IL17RC: variants seen among roughly 807,000 people sequenced by gnomAD.
IL17RC encodes the protein interleukin-17 receptor C.
In IL17RC, 53 loss-of-function variants were observed where a neutral mutation model predicts 86.7. The ratio of observed to expected loss-of-function variants is 0.61; its 90% confidence interval spans 0.49 to 0.77. IL17RC has a LOEUF of 0.77. IL17RC is among the 30% of genes least tolerant of loss of function. IL17RC has a pLI of 0.00. For synonymous variants in IL17RC, 439 were observed against 413.1 expected, an observed-to-expected ratio of 1.06 and a Z score of -0.76; for missense variants, 957 against 940.0, an observed-to-expected ratio of 1.02 and a Z score of -0.24.
intron 5 of IL17RC, chr3:9,920,271 T>C: frequency 1.9e-6 from 1 of 513,484 alleles, no homozygotes; most frequent in Non-Finnish European, 3.5e-6. Context: ...GTCTAGGGCC[T>C]TTTCCCGCCC....
At position 9,933,437 on chromosome 3, in the gene IL17RC, TCG is replaced by T. The variant is rs2084990732; in HGVS notation, c.2011_2012del (p.Ala671ProfsTer23). The stretch of plus-strand genomic sequence containing the variant: ...ACTTCCTGGGGGCCCTGCAGCAGCC[TCG>T]CGCCCCGCGTTCCGGGCGGCTCCAA... ...PDFLGALQQP[R>X]APRSGRLQER... On this transcript the variant is annotated frameshift_variant, in exon 19 of 19. Coordinates refer to ENST00000403601, the MANE Select transcript of IL17RC (RefSeq NM_153460.4). LOFTEE classifies it low-confidence loss of function (END_TRUNC). The T allele has an allele frequency of 6.2e-7, 1 of 1,612,998 alleles. No homozygotes were observed. Among genetic ancestry groups the T allele is most frequent in the Non-Finnish European group, 8.5e-7 (1 of 1,179,824 alleles).
At chr3:9,931,466 C>CATATATATATATAT (rs1466191337) in intron 16 of IL17RC, among the ~76,000 whole-genome samples, 23 of 15,606 alleles carry the variant, frequency 1.5e-3, no homozygotes, top group East Asian at 6.1e-3. Context: ...CACACACACA[C>CATATATATATATAT]ACACATATAT....
In IL17RC at chr3:9,917,571, AG is replaced by A. The variant is rs1280022287; in HGVS notation, c.106-138del. ...TGATGGTAGAAGAGAAGAACGGGGA[AG>A]GGGCAAGAGCTGGGTCTGTCTTTCT... On this transcript the variant is annotated intron_variant, in intron 1 of 18. Coordinates refer to ENST00000403601, the MANE Select transcript of IL17RC (RefSeq NM_153460.4). 2.5e-6 allele frequency: 4 copies of A among 1,614,148 alleles called. No homozygotes were observed. The East Asian group carries it at 6.7e-5, about 27-fold the overall frequency.
Position 9,928,407 on chromosome 3 carries a change from C to T in IL17RC, c.980C>T (p.Ala327Val). ...DAPCSLPAEA[A>V]LCWRAPGGDP... ...CCGTGCTCGCTGCCCGCAGAAGCGG[C>T]ACTGTGCTGGCGGGCTCCGGGTGGG... Residue 327 changes from alanine (A) to valine (V), a missense_variant, in exon 11 of 19, where the codon GCA becomes GTA. By Grantham distance (64) the Ala-to-Val change is moderately conservative (BLOSUM62 0). Coordinates refer to ENST00000403601, the MANE Select transcript of IL17RC (RefSeq NM_153460.4). The T allele has an allele frequency of 6.2e-7, 1 of 1,606,150 alleles. No individual in the cohort carries two copies. The highest frequency in any genetic ancestry group is 8.5e-7 in the Non-Finnish European group (1 of 1,177,798).
chr3:9,930,382 C>A lies in IL17RC; in HGVS notation c.1279-18C>A, dbSNP rs753688804. The stretch of plus-strand genomic sequence containing the variant: ...TGCTACCTCCAGGTAACAGTGCCCC[C>A]ATCCTTTGGCTTGGCAGAGGGCAGC... On this transcript the variant is annotated intron_variant, in intron 14 of 18. Coordinates refer to ENST00000403601, the MANE Select transcript of IL17RC (RefSeq NM_153460.4). The surrounding 1 kb of genome is among the most constrained non-coding windows in gnomAD (Gnocchi z 5.8). 1.9e-6 allele frequency: 3 copies of A among 1,613,862 alleles called. No individual in the cohort carries two copies. Among genetic ancestry groups the A allele is most frequent in the Non-Finnish European group, 2.5e-6 (3 of 1,179,916 alleles).
At chr3:9,931,034 T>C in intron 16 of IL17RC, 91 bp downstream of exon 16, 2 of 976,328 alleles carry the variant, frequency 2.0e-6, no homozygotes, top group Non-Finnish European at 1.7e-6. Flanking sequence ...GCAATGGCCT[T>C]GTCCTTCCCT....
In IL17RC at chr3:9,930,975, G is replaced by A. The variant is rs2125283394; in HGVS notation, c.1387+32G>A. 1 of 1,586,906 alleles carries A rather than the reference G, an allele frequency of 6.3e-7. No individual in the cohort carries two copies. The highest frequency in any genetic ancestry group is 8.7e-7 in the Non-Finnish European group (1 of 1,155,196). ...ATTGTAAGAACTGCCTTTCCTTTCTGTACCAGGAGTGGGGATCTTGACAGG... is the reference window on the plus strand; with the variant it reads ...ATTGTAAGAACTGCCTTTCCTTTCTATACCAGGAGTGGGGATCTTGACAGG... On this transcript the variant is annotated intron_variant, in intron 16 of 18. Coordinates refer to ENST00000403601, the MANE Select transcript of IL17RC (RefSeq NM_153460.4). This position sits in a 1 kb window ranked among gnomAD's most constrained non-coding sequence, Gnocchi z 5.8.
Position 9,923,934 on chromosome 3 carries a change from A to T in IL17RC, c.676A>T (p.Asn226Tyr). The change falls in exon 8 of 19, where the codon AAT (asparagine) becomes TAT (tyrosine). Residue 226 changes from asparagine (N) to tyrosine (Y), a missense_variant. Transcript: ENST00000403601. Reference protein sequence around the residue: ...ADGDNVHLVLNVSEEQHFGLS... With the variant: ...ADGDNVHLVLYVSEEQHFGLS... ...TGGTGACAACGTGCATCTGGTTCTG[A>T]ATGTCTCTGAGGAGCAGCACTTCGG... is the stretch of plus-strand genomic sequence containing the variant. 6.2e-7 allele frequency: 1 copy of T among 1,614,126 alleles called. No homozygotes were observed. The highest frequency in any genetic ancestry group is 8.5e-7 in the Non-Finnish European group (1 of 1,180,034).
At position 9,933,152 on chromosome 3, in the gene IL17RC, C is replaced by A; in HGVS notation, c.1722C>A (p.Gly574=). The change falls in exon 19 of 19, where the codon GGC becomes GGA. Residue 574 remains glycine (G), a synonymous_variant. Coordinates refer to ENST00000403601, the MANE Select transcript of IL17RC (RefSeq NM_153460.4). Reference sequence around the variant, plus strand: ...AGCGGCGCCAGACCCTGCAGGAGGGCGGCGTGGTGGTCTTGCTCTTCTCTC... The same window carrying A: ...AGCGGCGCCAGACCCTGCAGGAGGGAGGCGTGGTGGTCTTGCTCTTCTCTC... The part of the protein sequence containing the change: ...HAQRRQTLQE[G]GVVVLLFSPG... The A allele has an allele frequency of 6.2e-7, 1 of 1,602,674 alleles. No homozygotes were observed. Among genetic ancestry groups the A allele is most frequent in the Non-Finnish European group, 8.5e-7 (1 of 1,176,574 alleles).
chr3:9,923,178 A>G (rs1435396294), intron 7 of IL17RC, among the ~76,000 whole-genome samples: 1 of 146,770 alleles, frequency 6.8e-6, no homozygotes, highest in Non-Finnish European at 1.5e-5. Flanking sequence ...CTCCATCTCA[A>G]AAAAAAAAAA....
intron 9 of IL17RC, among the ~76,000 whole-genome samples, chr3:9,927,809 C>T (rs57396386): frequency 0.2 from 30,207 of 151,874 alleles, 3,094 homozygotes; most frequent in Admixed American, 0.28. Flanking sequence ...GTTAGCCGGC[C>T]GTTGTGGCAT....
rs762008738 is a variant in IL17RC at position 9,928,568 on chromosome 3, C to T, written c.1060-12C>T. On this transcript the variant is annotated splice_polypyrimidine_tract_variant and intron_variant, in intron 11 of 18. Transcript: ENST00000403601. ...CCCTTTTGTGATCCCACCCATTCCTCTCTTTCCACAGAAGGTTCTCGAGTT... is the reference window on the plus strand; with the variant it reads ...CCCTTTTGTGATCCCACCCATTCCTTTCTTTCCACAGAAGGTTCTCGAGTT... 1.9e-5 allele frequency: 31 copies of T among 1,613,782 alleles called. No homozygotes were observed. The Middle Eastern group carries it at 4.9e-4, about 26-fold the overall frequency.
intron 7 of IL17RC, 106 bp from the exon 8 acceptor site, chr3:9,923,775 G>A: frequency 4.7e-6 from 6 of 1,290,102 alleles, no homozygotes; most frequent in East Asian, 4.6e-5. Context: ...TCTGCCCTCC[G>A]AGAGCCTCCC....
intron 9 of IL17RC, 127 bp from the exon 10 acceptor site, chr3:9,928,039 T>C (rs759587193): frequency 2.3e-4 from 199 of 867,576 alleles, no homozygotes; most frequent in Non-Finnish European, 3.3e-4. Context: ...CCAGGTTTTG[T>C]AAAAGGCAGG....
rs778294989 is a variant in IL17RC at position 9,932,609 on chromosome 3, C to T, written c.1389C>T (p.Tyr463=). 1 of 1,613,750 alleles carries T rather than the reference C, an allele frequency of 6.2e-7. No individual in the cohort carries two copies. Among genetic ancestry groups the T allele is most frequent in the Non-Finnish European group, 8.5e-7 (1 of 1,179,600 alleles). ...GALWACPMDK[Y]IHKRWALVWL... is the part of the protein sequence containing the mutation. ...ACTCTTCTTCTCTGGGTCTCCCAGA[C>T]ATCCACAAGCGCTGGGCCCTCGTGT... is the stretch of plus-strand genomic sequence containing the variant. The change falls in exon 17 of 19, where the codon TAC becomes TAT. Residue 463 remains tyrosine, a splice_region_variant and synonymous_variant. Transcript: ENST00000403601.
intron 12 of IL17RC, chr3:9,929,578 T>C: frequency 2.0e-6 from 1 of 489,218 alleles, no homozygotes; most frequent in Non-Finnish European, 3.7e-6. Context: ...AAGGAATCTC[T>C]TTGAGAAGGT....
chr3:9,917,401 AC>A lies in IL17RC; in HGVS notation c.87del (p.Asp29GlufsTer44). Reference sequence around the variant, plus strand: ...CTGGAGAGGCTTGTGGGGCCTCAGGACGCTACCCACTGCTCTCCGGTGAGTC... The same window carrying A: ...CTGGAGAGGCTTGTGGGGCCTCAGGAGCTACCCACTGCTCTCCGGTGAGTC... ...LSLERLVGPQ[D>X]ATHCSPGLSC... On this transcript the variant is annotated frameshift_variant, in exon 1 of 19. Transcript: ENST00000403601. LOFTEE classifies it high-confidence loss of function. 1 of 1,614,064 alleles carries A rather than the reference AC, an allele frequency of 6.2e-7. No homozygotes were observed. The highest frequency in any genetic ancestry group is 8.5e-7 in the Non-Finnish European group (1 of 1,179,970).
chr3:9,933,495 C>G lies in IL17RC; in HGVS notation c.2065C>G (p.Gln689Glu). Residue 689 changes from glutamine (Q) to glutamate (E), a missense_variant, in exon 19 of 19, where the codon CAG becomes GAG. Transcript: ENST00000403601. ...ERAEQVSRAL[Q>E]PALDSYFHPP... ...AGCGGAGCAAGTGTCCCGGGCCCTT[C>G]AGCCAGCCCTGGATAGCTACTTCCA... 1 of 1,611,756 alleles carries G rather than the reference C, an allele frequency of 6.2e-7. No homozygotes were observed. Among genetic ancestry groups the G allele is most frequent in the South Asian group, 1.1e-5 (1 of 90,754 alleles).
chr3:9,917,812 T>G (rs561835622), intron 2 of IL17RC, 78 bp downstream of exon 2: 1 of 1,607,078 alleles, frequency 6.2e-7, no homozygotes, highest in African/African-American at 1.3e-5. Flanking sequence ...ATGCCCTCCA[T>G]GCCCACCTCA....
Sources: gnomAD v4.1 joint callset for allele counts (sites outside exome capture counted in the v4.1 genomes callset) on GRCh38, gnomAD v4.1.1 for gene constraint, Gnocchi (gnomAD v3.1) non-coding constraint, MANE v1.5 for transcripts, NCBI Gene and HGNC (gene_info 2026-07-23, HGNC 2026-07-21) for gene names.